AGMO: variants seen among roughly 807,000 people sequenced by gnomAD.
AGMO encodes the protein glyceryl-ether monooxygenase.
Under a neutral mutation model 60.2 loss-of-function variants are expected in AGMO, and 75 were observed. The ratio of observed to expected loss-of-function variants is 1.25; its 90% CI spans 1.03 to 1.51. The LOEUF (loss-of-function observed/expected upper bound fraction) is 1.51. Among genes scored for constraint, AGMO ranks in the 40% most tolerant of loss-of-function variants. AGMO has a pLI of 0.00. For missense variants in AGMO, 763 were observed against 525.5 expected, an observed-to-expected ratio of 1.45 and a Z score of -4.42; for synonymous variants, 261 against 177.1, an observed-to-expected ratio of 1.47 and a Z score of -3.76.
At chr7:15,416,609 A>G (rs553720092) in intron 5 of AGMO, among the ~76,000 whole-genome samples, 1 of 152,070 alleles carries the variant, frequency 6.6e-6, no homozygotes, top group East Asian at 1.9e-4. Context: ...TAAGAATGAA[A>G]CTCTATTCAG....
chr7:15,537,235 G>T (rs1784504830), intron 3 of AGMO, among the ~76,000 whole-genome samples: 1 of 151,838 alleles, frequency 6.6e-6, no homozygotes, highest in South Asian at 2.1e-4. Flanking sequence ...ATTTTCATTA[G>T]AATTGTTTCA....
chr7:15,520,496 G>C (rs1783950052), intron 3 of AGMO, among the ~76,000 whole-genome samples: 2 of 152,142 alleles, frequency 1.3e-5, no homozygotes, highest in African/African-American at 4.8e-5. Flanking sequence ...ATAACAAACA[G>C]TCTCTCAGAC....
chr7:15,525,579 C>T (rs2389413), intron 3 of AGMO, among the ~76,000 whole-genome samples: 2,944 of 152,186 alleles, frequency 0.019, 95 homozygotes, highest in African/African-American at 0.066. Context: ...TCTTCTCCGC[C>T]CTCTTCACCC....
intron 12 of AGMO, among the ~76,000 whole-genome samples, chr7:15,236,679 G>A (rs1377034578): frequency 6.6e-6 from 1 of 152,016 alleles, no homozygotes; most frequent in East Asian, 1.9e-4. Context: ...TATATGTTGA[G>A]GATATATGAT....
intron 12 of AGMO, among the ~76,000 whole-genome samples, chr7:15,207,929 G>A (rs763756545): frequency 1.2e-4 from 18 of 152,066 alleles, no homozygotes; most frequent in Non-Finnish European, 2.1e-4. Flanking sequence ...GCGAGACTCT[G>A]TCTCAAAAAA....
At chr7:15,500,917 C>A (rs1358124814) in intron 3 of AGMO, among the ~76,000 whole-genome samples, 1 of 64,708 alleles carries the variant, frequency 1.5e-5, no homozygotes, top group Admixed American at 2.4e-4. Flanking sequence ...CAAAGAATGT[C>A]TTGATTTTTG....
At chr7:15,435,335 C>T (rs1232439653) in intron 3 of AGMO, among the ~76,000 whole-genome samples, 1 of 148,712 alleles carries the variant, frequency 6.7e-6, no homozygotes, top group Non-Finnish European at 1.5e-5. Flanking sequence ...TTTATTAGTA[C>T]CAGCAGTGTG....
chr7:15,416,819 C>T (rs1008076064), intron 5 of AGMO, among the ~76,000 whole-genome samples: 1 of 152,078 alleles, frequency 6.6e-6, no homozygotes, highest in Non-Finnish European at 1.5e-5. Context: ...TTACTTTTTA[C>T]TTATTAATCT....
At chr7:15,310,398 A>G (rs920839993) in intron 12 of AGMO, among the ~76,000 whole-genome samples, 1 of 152,160 alleles carries the variant, frequency 6.6e-6, no homozygotes, top group Non-Finnish European at 1.5e-5. Context: ...AGAAATAAAC[A>G]TATTTGGTTT....
the AGMO span, among the ~76,000 whole-genome samples, chr7:15,178,719 C>A: frequency 1.1e-4 from 16 of 152,062 alleles, no homozygotes; most frequent in Non-Finnish European, 2.2e-4. Context: ...GTAGTAAATA[C>A]CAGAAGGAAG....
chr7:15,555,752 C>T (rs1388658353), intron 2 of AGMO, among the ~76,000 whole-genome samples: 1 of 151,886 alleles, frequency 6.6e-6, no homozygotes, highest in Non-Finnish European at 1.5e-5. Flanking sequence ...AAGCAGTGAA[C>T]CTTGCATTCA....
At chr7:15,339,188 A>G (rs140119743) in intron 12 of AGMO, among the ~76,000 whole-genome samples, 1 of 152,340 alleles carries the variant, frequency 6.6e-6, no homozygotes, top group African/African-American at 2.4e-5. Context: ...GAAGTATCCC[A>G]GATCATGAGT....
intron 12 of AGMO, among the ~76,000 whole-genome samples, chr7:15,312,650 A>G (rs1780800409): frequency 6.6e-6 from 1 of 152,054 alleles, no homozygotes; most frequent in Admixed American, 6.6e-5. Flanking sequence ...CAAAAACTGA[A>G]GAGTTTACTG....
chr7:15,482,989 A>G (rs1782800668), intron 3 of AGMO, among the ~76,000 whole-genome samples: 1 of 152,186 alleles, frequency 6.6e-6, no homozygotes, highest in South Asian at 2.1e-4. Flanking sequence ...TCTATTTTAT[A>G]AGTATCTATC....
At chr7:15,192,927 T>C in the AGMO span, among the ~76,000 whole-genome samples, 4 of 152,330 alleles carry the variant, frequency 2.6e-5, no homozygotes, top group Admixed American at 6.5e-5. Context: ...ATCTAGGTTA[T>C]AGAATATTAA....
chr7:15,455,622 T>A (rs1399924288), intron 3 of AGMO, among the ~76,000 whole-genome samples: 1 of 152,146 alleles, frequency 6.6e-6, no homozygotes, highest in Admixed American at 6.6e-5. Context: ...AACCAGCAAC[T>A]TCTGAAAATA....
At chr7:15,434,826 G>A (rs570306792) in intron 3 of AGMO, among the ~76,000 whole-genome samples, 3 of 152,170 alleles carry the variant, frequency 2.0e-5, no homozygotes, top group Admixed American at 2.0e-4. Flanking sequence ...ACAAGCAATA[G>A]ATAATTAATG....
chr7:15,532,626 G>C (rs901429755), intron 3 of AGMO, among the ~76,000 whole-genome samples: 2 of 152,140 alleles, frequency 1.3e-5, no homozygotes, highest in Non-Finnish European at 2.9e-5. Flanking sequence ...GCTGATTCCA[G>C]TGAAGAAGAT....
chr7:15,291,974 G>A (rs780374565), intron 12 of AGMO, among the ~76,000 whole-genome samples: 7 of 152,148 alleles, frequency 4.6e-5, no homozygotes, highest in African/African-American at 9.7e-5. Context: ...ATGCGACCAC[G>A]TGTCAAGTAT....
Sources: gnomAD v4.1 joint callset for allele counts (sites outside exome capture counted in the v4.1 genomes callset) on GRCh38, gnomAD v4.1.1 for gene constraint, MANE v1.5 for transcripts, NCBI Gene and HGNC (gene_info 2026-07-23, HGNC 2026-07-21) for gene names.